Variants in C6 observed in about 807,000 individuals in gnomAD.
The protein encoded by C6 is complement C6, also known as complement component C6.
Under a neutral mutation model 112.9 loss-of-function variants are expected in C6, and 101 were observed. The observed-to-expected ratio is 0.89, with a 90% CI of 0.76 to 1.06. C6 has a LOEUF of 1.06. Ranked by LOEUF, C6 falls within the 50% of genes least tolerant of loss-of-function variation. C6 has a pLI of 0.00. For synonymous variants in C6, 431 were observed against 384.1 expected, an observed-to-expected ratio of 1.12 and a Z score of -1.43; for missense variants, 1,202 against 1,104.6, an observed-to-expected ratio of 1.09 and a Z score of -1.25.
intron 1 of C6, among the ~76,000 whole-genome samples, chr5:41,249,435 T>G (rs1401482920): frequency 6.6e-6 from 1 of 152,220 alleles, no homozygotes; most frequent in African/African-American, 2.4e-5. Flanking sequence ...CTGTTATATT[T>G]GTATTTGCTC....
At chr5:41,259,157 G>C (rs1483809391) in intron 1 of C6, among the ~76,000 whole-genome samples, 1 of 152,082 alleles carries the variant, frequency 6.6e-6, no homozygotes, top group Non-Finnish European at 1.5e-5. Flanking sequence ...TTGCCTTTAG[G>C]GGATCTTGCT....
chr5:41,152,028 G>A (rs1746448407), intron 15 of C6, among the ~76,000 whole-genome samples: 1 of 151,224 alleles, frequency 6.6e-6, no homozygotes, highest in Admixed American at 6.6e-5. Flanking sequence ...AAGAAAGGAA[G>A]GATGGAAGGA....
chr5:41,172,911 G>T (rs1265470713), intron 8 of C6, among the ~76,000 whole-genome samples: 1 of 152,034 alleles, frequency 6.6e-6, no homozygotes, highest in African/African-American at 2.4e-5. Context: ...ACCTCTCTGG[G>T]CTTCTTCTCC....
chr5:41,155,238 T>G lies in C6; in HGVS notation c.1969-134A>C, dbSNP rs1580055512. The stretch of plus-strand genomic sequence containing the variant: ...ACCAAGTCCTCTCAATTTCTACTTC[T>G]AAAAACCTGTTAAAGTTCTCTGCTT... On this transcript the variant is annotated intron_variant, in intron 13 of 17. Coordinates refer to ENST00000337836, the MANE Select transcript of C6 (RefSeq NM_000065.5). The G allele has an allele frequency of 7.7e-6, 6 of 782,426 alleles. No homozygotes were observed. In the East Asian group the frequency reaches 1.3e-4, roughly 17 times the overall value. The allele number at this position is 782,426 out of a possible 1,614,324, so 48.5% of individuals were successfully genotyped here.
At chr5:41,160,569 A>G (rs1747393380) in intron 10 of C6, among the ~76,000 whole-genome samples, 1 of 152,072 alleles carries the variant, frequency 6.6e-6, no homozygotes, top group African/African-American at 2.4e-5. Context: ...TATGGCACTT[A>G]CCTTCCCTAC....
intron 1 of C6, among the ~76,000 whole-genome samples, chr5:41,209,362 T>G (rs1162940927): frequency 3.3e-5 from 5 of 152,194 alleles, no homozygotes; most frequent in Non-Finnish European, 7.3e-5. Context: ...TGTTGGAAGT[T>G]CTGGCCAGGG....
At position 41,201,583 on chromosome 5, in the gene C6, T is replaced by C; in HGVS notation, c.275A>G (p.Asp92Gly). ...CTGTTTTTCAATACAAGGGTCACAG[T>C]CTGACCATGGTCCAAAATCTCCCAG... ...CLLGDFGPWS[D>G]CDPCIEKQSK... is the part of the protein sequence containing the mutation. The change falls in exon 3 of 18, where the codon GAC (aspartate) becomes GGC (glycine). Residue 92 changes from aspartate to glycine, a missense_variant. By Grantham distance (94) the Asp-to-Gly change is moderately conservative. Transcript: ENST00000337836. 6.2e-7 allele frequency: 1 copy of C among 1,613,748 alleles called. No homozygotes were observed. The highest frequency in any genetic ancestry group is 8.5e-7 in the Non-Finnish European group (1 of 1,179,902).
At chr5:41,175,156 G>A (rs554263397) in intron 8 of C6, among the ~76,000 whole-genome samples, 3 of 152,234 alleles carry the variant, frequency 2.0e-5, no homozygotes, top group Admixed American at 2.0e-4. Context: ...CAGCTTTGGA[G>A]GGACACACAT....
chr5:41,219,610 C>T (rs1038831202), intron 1 of C6, among the ~76,000 whole-genome samples: 3 of 152,092 alleles, frequency 2.0e-5, no homozygotes, highest in East Asian at 1.9e-4. Context: ...AGGGCAATAC[C>T]TAAAGCATGA....
At chr5:41,189,466 T>A (rs77640212) in intron 5 of C6, among the ~76,000 whole-genome samples, 9,419 of 152,142 alleles carry the variant, frequency 0.062, 390 homozygotes, top group African/African-American at 0.12. Flanking sequence ...AGTATTAACA[T>A]ATGCTTTATA....
chr5:41,208,566 A>T (rs1751627489), intron 1 of C6, among the ~76,000 whole-genome samples: 1 of 152,322 alleles, frequency 6.6e-6, no homozygotes, highest in East Asian at 1.9e-4. Flanking sequence ...AGAAATACAA[A>T]CTACCATCAG....
intron 15 of C6, 93 bp downstream of exon 15, chr5:41,153,717 A>G (rs2150243629): frequency 1.0e-6 from 1 of 965,120 alleles, no homozygotes; most frequent in Non-Finnish European, 1.7e-6. Context: ...TTAGCCTCTC[A>G]GTGCTTAAGA....
intron 5 of C6, among the ~76,000 whole-genome samples, chr5:41,187,076 A>C (rs545374944): frequency 6.6e-6 from 1 of 152,326 alleles, no homozygotes; most frequent in South Asian, 2.1e-4. Context: ...AGCCTTAAAA[A>C]TATAAATTGT....
At chr5:41,261,002 C>T (rs946241888) in intron 1 of C6, among the ~76,000 whole-genome samples, 2 of 152,152 alleles carry the variant, frequency 1.3e-5, no homozygotes, top group East Asian at 1.9e-4. Flanking sequence ...TTCACAAAGA[C>T]ATTGTCACAC....
chr5:41,249,660 G>A (rs908197079), intron 1 of C6, among the ~76,000 whole-genome samples: 5 of 152,044 alleles, frequency 3.3e-5, no homozygotes, highest in African/African-American at 7.2e-5. Flanking sequence ...TCATACCTTC[G>A]GCTTTATTTG....
chr5:41,161,018 T>C (rs1747439071), intron 10 of C6, among the ~76,000 whole-genome samples: 1 of 152,132 alleles, frequency 6.6e-6, no homozygotes, highest in Non-Finnish European at 1.5e-5. Context: ...TTTTCTCCCA[T>C]AACATGTAGA....
intron 1 of C6, among the ~76,000 whole-genome samples, chr5:41,206,152 G>A (rs1349068389): frequency 1.3e-5 from 2 of 152,328 alleles, no homozygotes; most frequent in Non-Finnish European, 2.9e-5. Flanking sequence ...CTACACCTGA[G>A]GGTCCTGACT....
chr5:41,144,770 T>C (rs146903928), intron 17 of C6, among the ~76,000 whole-genome samples: 1 of 152,242 alleles, frequency 6.6e-6, no homozygotes, highest in African/African-American at 2.4e-5. Context: ...CCCTGGTGTC[T>C]GTTATTTCTT....
chr5:41,224,686 A>G (rs1179224251), intron 1 of C6, among the ~76,000 whole-genome samples: 1 of 151,960 alleles, frequency 6.6e-6, no homozygotes, highest in Non-Finnish European at 1.5e-5. Context: ...CTGTTTGGCT[A>G]TTATGAATAA....
Sources: gnomAD v4.1 joint callset for allele counts (sites outside exome capture counted in the v4.1 genomes callset) on GRCh38, gnomAD v4.1.1 for gene constraint, MANE v1.5 for transcripts, NCBI Gene and HGNC (gene_info 2026-07-23, HGNC 2026-07-21) for gene names.